DOCK3: variants seen among roughly 807,000 people sequenced by gnomAD.
DOCK3 encodes the protein dedicator of cytokinesis 3.
Under a neutral mutation model 265.6 loss-of-function variants are expected in DOCK3, and 60 were observed. The ratio of observed to expected loss-of-function variants is 0.23; its 90% CI spans 0.18 to 0.28. The LOEUF (loss-of-function observed/expected upper bound fraction) is 0.28, where lower values mean the gene tolerates loss of function less well. Among genes scored for constraint, DOCK3 ranks in the 10% least tolerant of loss-of-function variants. DOCK3 has a pLI of 1.00. For synonymous variants in DOCK3, 881 were observed against 938.0 expected (o/e 0.94, Z 1.11); for missense variants, 1,981 against 2,594.3 (o/e 0.76, Z 5.14).
intron 32 of DOCK3, among the ~76,000 whole-genome samples, chr3:51,327,676 CTTTTTTTTTTTTT>C (rs563361812): frequency 8.1e-6 from 1 of 124,206 alleles, no homozygotes; most frequent in African/African-American, 3.0e-5. Flanking sequence ...CCATCACCAG[CTTTTTTTTTTTTT>C]TTTTTTTTGA....
intron 28 of DOCK3, among the ~76,000 whole-genome samples, chr3:51,311,432 A>G (rs981990417): frequency 2.0e-5 from 3 of 152,178 alleles, no homozygotes; most frequent in Admixed American, 1.3e-4. Context: ...TGTCCCTTCT[A>G]TGTGCCCAGG....
At chr3:51,369,908 C>A (rs1468371652) in intron 49 of DOCK3, among the ~76,000 whole-genome samples, 1 of 152,220 alleles carries the variant, frequency 6.6e-6, no homozygotes, top group East Asian at 1.9e-4. Flanking sequence ...CAGATCTTTA[C>A]ACTCACCAGC....
chr3:51,313,020 C>T, intron 31 of DOCK3, 118 bp downstream of exon 31: 1 of 931,884 alleles, frequency 1.1e-6, no homozygotes, highest in Non-Finnish European at 1.7e-6. Flanking sequence ...GAGATCCTTA[C>T]ATATCTTTCA....
At chr3:50,742,719 A>G (rs1314049428) in intron 1 of DOCK3, among the ~76,000 whole-genome samples, 1 of 152,208 alleles carries the variant, frequency 6.6e-6, no homozygotes, top group African/African-American at 2.4e-5. Flanking sequence ...TCTACGTCTG[A>G]TTGGTGTACC....
intron 14 of DOCK3, among the ~76,000 whole-genome samples, chr3:51,221,799 G>C (rs2090111093): frequency 1.3e-5 from 2 of 152,132 alleles, no homozygotes; most frequent in Non-Finnish European, 2.9e-5. Flanking sequence ...GGCTGCCCAA[G>C]GTCCTTCCTA....
intron 4 of DOCK3, among the ~76,000 whole-genome samples, chr3:50,926,219 A>T (rs1213166390): frequency 6.6e-6 from 1 of 152,178 alleles, no homozygotes; most frequent in African/African-American, 2.4e-5. Flanking sequence ...GTATGCCAAG[A>T]TAATTCCAAT....
intron 32 of DOCK3, among the ~76,000 whole-genome samples, chr3:51,320,171 G>A (rs978918407): frequency 5.3e-5 from 8 of 152,080 alleles, no homozygotes; most frequent in African/African-American, 1.7e-4. Flanking sequence ...CACAGAGGGC[G>A]AGCCAAAGCA....
chr3:51,249,670 C>G (rs1374974799), intron 22 of DOCK3, among the ~76,000 whole-genome samples: 2 of 127,092 alleles, frequency 1.6e-5, no homozygotes, highest in Non-Finnish European at 3.4e-5. Context: ...AGCCCCCCAC[C>G]CGGCCAGCCG....
intron 5 of DOCK3, among the ~76,000 whole-genome samples, chr3:50,983,540 C>T (rs932224379): frequency 2.0e-5 from 3 of 152,116 alleles, no homozygotes; most frequent in African/African-American, 7.2e-5. Flanking sequence ...GAGCACTAGT[C>T]AGGATAGCCT....
Position 51,062,723 on chromosome 3 carries a change from T to G in DOCK3, c.316-1725T>G, listed in dbSNP as rs532162408. On this transcript the variant is annotated intron_variant, in intron 5 of 52. Coordinates refer to ENST00000266037, the MANE Select transcript of DOCK3 (RefSeq NM_004947.5). The stretch of plus-strand genomic sequence containing the variant: ...GGATGAATGAATGAATGCTTGTGGA[T>G]GTATACATGCAATGGACTATCATAT... 9.8e-5 allele frequency among the ~76,000 whole-genome samples: 15 copies of G among 152,374 alleles called. No individual in the cohort carries two copies. In the East Asian group the frequency reaches 1.5e-3, roughly 16 times the overall value.
At chr3:51,338,815 C>T in intron 36 of DOCK3, 120 bp from the exon 37 acceptor site, 1 of 794,364 alleles carries the variant, frequency 1.3e-6, no homozygotes, top group East Asian at 2.7e-5. Flanking sequence ...CTGGTGCTGT[C>T]TGCCTCCAGG....
intron 21 of DOCK3, among the ~76,000 whole-genome samples, chr3:51,240,266 T>G (rs1249481324): frequency 6.6e-6 from 1 of 152,236 alleles, no homozygotes; most frequent in East Asian, 1.9e-4. Context: ...TCAGTGAATT[T>G]CTTAGTCTTG....
At chr3:50,943,886 GT>G (rs934901416) in intron 5 of DOCK3, among the ~76,000 whole-genome samples, 8 of 152,212 alleles carry the variant, frequency 5.3e-5, no homozygotes, top group African/African-American at 1.9e-4. Context: ...ATTATTAGGT[GT>G]TAGTTTCTTA....
At chr3:50,687,438 GT>G (rs2034907021) in intron 1 of DOCK3, among the ~76,000 whole-genome samples, 1 of 152,174 alleles carries the variant, frequency 6.6e-6, no homozygotes, top group Non-Finnish European at 1.5e-5. Context: ...GTGACTGACT[GT>G]TTTTCTAAAA....
chr3:50,941,797 C>T (rs2076303497), intron 5 of DOCK3, among the ~76,000 whole-genome samples: 1 of 151,962 alleles, frequency 6.6e-6, no homozygotes, highest in Non-Finnish European at 1.5e-5. Context: ...AAAAATGTAC[C>T]TTCAAAGGGT....
chr3:51,152,201 T>A (rs2085635311), intron 10 of DOCK3, among the ~76,000 whole-genome samples: 1 of 152,202 alleles, frequency 6.6e-6, no homozygotes, highest in African/African-American at 2.4e-5. Flanking sequence ...TTTTTACTTT[T>A]TTTTTCTCTA....
intron 2 of DOCK3, among the ~76,000 whole-genome samples, chr3:50,801,037 T>C (rs1389274460): frequency 6.6e-6 from 1 of 152,244 alleles, no homozygotes; most frequent in Non-Finnish European, 1.5e-5. Flanking sequence ...TGGTATGATT[T>C]TGATCTTGTT....
At chr3:51,370,435 C>T (rs1476357586) in intron 49 of DOCK3, among the ~76,000 whole-genome samples, 3 of 152,246 alleles carry the variant, frequency 2.0e-5, no homozygotes, top group African/African-American at 7.2e-5. Flanking sequence ...TGGTCAGACA[C>T]TTCCTCTAGG....
chr3:51,362,008 G>A lies in DOCK3; in HGVS notation c.5145+11G>A. ...TACCACCACATGCAGGTACAGAGCT[G>A]TCCACGGAGAGTGGGCCAGGGCACC... is the stretch of plus-strand genomic sequence containing the variant. On this transcript the variant is annotated intron_variant, in intron 48 of 52. Coordinates refer to ENST00000266037, the MANE Select transcript of DOCK3 (RefSeq NM_004947.5). 15 of 1,599,852 alleles carry A rather than the reference G, an allele frequency of 9.4e-6. No homozygotes were observed. The highest frequency in any genetic ancestry group is 1.3e-5 in the Non-Finnish European group (15 of 1,173,016).
Sources: gnomAD v4.1 joint callset for allele counts (sites outside exome capture counted in the v4.1 genomes callset) on GRCh38, gnomAD v4.1.1 for gene constraint, MANE v1.5 for transcripts, NCBI Gene and HGNC (gene_info 2026-07-23, HGNC 2026-07-21) for gene names.